The following CDH12 variants were observed in gnomAD, a reference collection of about 807,000 sequenced individuals.
CDH12 encodes the protein cadherin-12.
In CDH12, 41 loss-of-function variants were observed where a neutral mutation model predicts 74.1. The ratio of observed to expected loss-of-function variants is 0.55; its 90% CI spans 0.43 to 0.72. The LOEUF (loss-of-function observed/expected upper bound fraction) is 0.72, where lower values mean the gene tolerates loss of function less well. Among genes scored for constraint, CDH12 ranks in the 30% least tolerant of loss-of-function variants. The pLI, the probability that CDH12 is intolerant of heterozygous loss-of-function variation, is 0.00. For synonymous variants in CDH12, 399 were observed against 355.0 expected (o/e 1.12, Z -1.39); for missense variants, 945 against 977.2 (o/e 0.97, Z 0.44).
intron 5 of CDH12, among the ~76,000 whole-genome samples, chr5:21,976,118 C>T (rs897366534): frequency 2.0e-5 from 3 of 152,076 alleles, no homozygotes; most frequent in African/African-American, 7.2e-5. Flanking sequence ...AATGAGTTTA[C>T]CACTATGATT....
At chr5:22,162,850 C>T (rs2150320450) in intron 4 of CDH12, among the ~76,000 whole-genome samples, 1 of 149,858 alleles carries the variant, frequency 6.7e-6, no homozygotes, top group Middle Eastern at 3.6e-3. Context: ...GCAGGCTATT[C>T]CTCTGCAGTC....
At position 22,678,044 on chromosome 5, in the gene CDH12, T is replaced by TGG. The variant is rs61039186; in HGVS notation, c.-522-172682_-522-172681dup. 5.0e-3 allele frequency among the ~76,000 whole-genome samples: 673 copies of TGG among 135,150 alleles called. 16 individuals carry two copies. The highest frequency in any genetic ancestry group is 0.011 in the East Asian group (47 of 4,310). The allele number at this position is 135,150 out of a possible 152,430, so 88.7% of individuals were successfully genotyped here. A position where few individuals can be genotyped will look rare whatever the true frequency, so the allele number is the denominator to read the frequency against. On this transcript the variant is annotated intron_variant, in intron 1 of 14. Coordinates refer to ENST00000382254, the MANE Select transcript of CDH12 (RefSeq NM_004061.5). The stretch of plus-strand genomic sequence containing the variant: ...AGGCTCACCTCCTATACCATCCTCA[T>TGG]GGGGGGGGGGGTTAGGATTTTAATG...
chr5:22,482,514 T>C (rs1267918258), intron 2 of CDH12, among the ~76,000 whole-genome samples: 1 of 152,154 alleles, frequency 6.6e-6, no homozygotes, highest in Admixed American at 6.5e-5. Context: ...ATTTAAAACT[T>C]ATCATGTATA....
chr5:21,980,033 G>T (rs1484931961), intron 5 of CDH12, among the ~76,000 whole-genome samples: 2 of 151,320 alleles, frequency 1.3e-5, no homozygotes, highest in East Asian at 3.9e-4. Flanking sequence ...TTCTCTGATG[G>T]CCAGTGATGA....
rs1157482453 is a variant in CDH12 at position 22,357,059 on chromosome 5, C to A, written c.-333+48198G>T. 3.3e-5 allele frequency among the ~76,000 whole-genome samples: 5 copies of A among 151,888 alleles called. No homozygotes were observed. The South Asian group carries it at 6.2e-4, about 19-fold the overall frequency. On this transcript the variant is annotated intron_variant, in intron 3 of 14. Coordinates refer to ENST00000382254, the MANE Select transcript of CDH12 (RefSeq NM_004061.5). Reference sequence around the variant, plus strand: ...TGTAGCAATTTATCTATCTATCTAGCTAGATAGAGAGATATAGAGACAGCC... The same window carrying A: ...TGTAGCAATTTATCTATCTATCTAGATAGATAGAGAGATATAGAGACAGCC...
At chr5:22,572,998 G>T (rs1739613054) in intron 1 of CDH12, among the ~76,000 whole-genome samples, 1 of 152,100 alleles carries the variant, frequency 6.6e-6, no homozygotes, top group Non-Finnish European at 1.5e-5. Flanking sequence ...AAAAAATTGA[G>T]TAATGAAAAT....
intron 1 of CDH12, among the ~76,000 whole-genome samples, chr5:22,716,043 A>T (rs1743559153): frequency 6.6e-6 from 1 of 152,020 alleles, no homozygotes; most frequent in Non-Finnish European, 1.5e-5. Context: ...AAGCTGAGGC[A>T]GGAGAATTGC....
At chr5:21,875,918 A>T (rs1364826813) in intron 6 of CDH12, among the ~76,000 whole-genome samples, 7 of 144,670 alleles carry the variant, frequency 4.8e-5, no homozygotes, top group Admixed American at 3.4e-4. Flanking sequence ...TTTTTCTGAA[A>T]CGGAGTCTCG....
At chr5:21,874,309 CTG>C (rs1751812595) in intron 6 of CDH12, among the ~76,000 whole-genome samples, 2 of 152,116 alleles carry the variant, frequency 1.3e-5, no homozygotes, top group Admixed American at 1.3e-4. Context: ...CAAATCAAAA[CTG>C]AGAGACACAG....
intron 1 of CDH12, among the ~76,000 whole-genome samples, chr5:22,809,829 T>C (rs1036492231): frequency 1.3e-5 from 2 of 152,116 alleles, no homozygotes; most frequent in African/African-American, 4.8e-5. Flanking sequence ...AGAAAATATT[T>C]CTGTGAAATT....
intron 6 of CDH12, chr5:21,884,160 C>G (rs975062018): frequency 6.3e-6 from 10 of 1,578,770 alleles, no homozygotes; most frequent in South Asian, 4.4e-5. Context: ...CCCAACAAAG[C>G]TTGTGAGAAC....
intron 1 of CDH12, among the ~76,000 whole-genome samples, chr5:22,675,250 C>T (rs143909474): frequency 2.0e-4 from 31 of 152,226 alleles, no homozygotes; most frequent in Middle Eastern, 3.4e-3. Flanking sequence ...GCTGTTCCAG[C>T]CATGACTAAA....
At chr5:22,632,412 T>A (rs965096472) in intron 1 of CDH12, among the ~76,000 whole-genome samples, 7 of 152,220 alleles carry the variant, frequency 4.6e-5, no homozygotes, top group East Asian at 1.9e-4. Context: ...TTAAACTTTT[T>A]AAAAAATCTT....
rs369179837 is a variant in CDH12 at position 22,113,124 on chromosome 5, T to A, written c.-186-34262A>T. ...CAGATGGGTGTTATTTAACCCTATA[T>A]ATCTGACTTACTTTACAATCTTACT... On this transcript the variant is annotated intron_variant, in intron 4 of 14. Coordinates refer to ENST00000382254, the MANE Select transcript of CDH12 (RefSeq NM_004061.5). Among the ~76,000 whole-genome samples, 7 of 152,290 alleles carry A rather than the reference T, an allele frequency of 4.6e-5. No homozygotes were observed. In the East Asian group the frequency reaches 1.4e-3, roughly 29 times the overall value.
intron 1 of CDH12, among the ~76,000 whole-genome samples, chr5:22,832,078 A>G (rs1336615724): frequency 6.6e-6 from 1 of 152,170 alleles, no homozygotes; most frequent in African/African-American, 2.4e-5. Flanking sequence ...TGACTAGAAT[A>G]AAAATAAAAA....
chr5:22,825,147 G>A (rs1420130006), intron 1 of CDH12, among the ~76,000 whole-genome samples: 1 of 151,878 alleles, frequency 6.6e-6, no homozygotes, highest in African/African-American at 2.4e-5. Flanking sequence ...TGTTTACTAG[G>A]AGCCATGTGT....
intron 11 of CDH12, among the ~76,000 whole-genome samples, chr5:21,769,896 T>C (rs111640067): frequency 0.016 from 2,365 of 152,280 alleles, 52 homozygotes; most frequent in African/African-American, 0.052. Context: ...TATAGATGCA[T>C]AGACATCTAT....
At chr5:22,618,399 C>T (rs1737794855) in intron 1 of CDH12, among the ~76,000 whole-genome samples, 1 of 152,094 alleles carries the variant, frequency 6.6e-6, no homozygotes, top group African/African-American at 2.4e-5. Flanking sequence ...CAGATATACG[C>T]AATGGCAGCA....
In CDH12 at chr5:22,206,679, C is replaced by CAAAAAA. The variant is rs71609754; in HGVS notation, c.-187+5813_-187+5818dup. Among the ~76,000 whole-genome samples, 51 of 55,258 alleles carry CAAAAAA rather than the reference C, an allele frequency of 9.2e-4. 1 individual carries two copies. Among genetic ancestry groups the CAAAAAA allele is most frequent in the East Asian group, 2.1e-3 (3 of 1,432 alleles). The allele number at this position is 55,258 out of a possible 152,430, so 36.3% of individuals were successfully genotyped here. On this transcript the variant is annotated intron_variant, in intron 4 of 14. Coordinates refer to ENST00000382254, the MANE Select transcript of CDH12 (RefSeq NM_004061.5). ...GGATGAAAAATAATGGATTCCACTG[C>CAAAAAA]AAAAAAAAAAAAAAAAAAAAAAAGA...
Sources: allele counts gnomAD v4.1 joint callset (sites outside exome capture counted in the v4.1 genomes callset), GRCh38; gene constraint gnomAD v4.1.1; transcripts MANE v1.5; gene names NCBI Gene and HGNC (gene_info 2026-07-23, HGNC 2026-07-21).